The following FSHR variants were observed in gnomAD, a reference collection of about 807,000 sequenced individuals.
FSHR encodes the protein follicle-stimulating hormone receptor.
Under a neutral mutation model 52.1 loss-of-function variants are expected in FSHR, and 46 were observed. That is an observed-to-expected ratio of 0.88 (90% CI 0.70 to 1.13). The LOEUF is 1.13. FSHR is among the 50% of genes most tolerant of loss of function. The pLI, the probability that FSHR is intolerant of heterozygous loss-of-function variation, is 0.00. For synonymous variants in FSHR, 399 were observed against 309.6 expected (o/e 1.29, Z -3.03); for missense variants, 964 against 834.6 (o/e 1.16, Z -1.91).
chr2:49,028,289 C>T (rs1238286059), intron 2 of FSHR, among the ~76,000 whole-genome samples: 1 of 152,186 alleles, frequency 6.6e-6, no homozygotes, highest in Non-Finnish European at 1.5e-5. Context: ...GCTAAATGCT[C>T]TGCATGGGTA....
chr2:48,979,162 G>C (rs974113809), intron 8 of FSHR, among the ~76,000 whole-genome samples: 1 of 152,102 alleles, frequency 6.6e-6, no homozygotes, highest in African/African-American at 2.4e-5. Flanking sequence ...CTAAAGGTGG[G>C]AGCTGGGTGT....
intron 1 of FSHR, among the ~76,000 whole-genome samples, chr2:49,081,337 G>C (rs1670161504): frequency 6.6e-6 from 1 of 151,696 alleles, no homozygotes; most frequent in African/African-American, 2.4e-5. Flanking sequence ...TGTATCTAAA[G>C]TATCTTATAT....
chr2:49,068,332 A>G, intron 1 of FSHR, 42 bp from the exon 2 acceptor site: 2 of 1,512,228 alleles, frequency 1.3e-6, no homozygotes, highest in Non-Finnish European at 1.8e-6. Context: ...CCTATCCATT[A>G]ATAAGTAATT....
Position 48,963,009 on chromosome 2 carries a change from C to G in FSHR, c.1812G>C (p.Val604=). The G allele has an allele frequency of 6.2e-7, 1 of 1,614,060 alleles. No homozygotes were observed. The highest frequency in any genetic ancestry group is 8.5e-7 in the Non-Finnish European group (1 of 1,179,998). Residue 604 remains valine, a synonymous_variant, in exon 10 of 10, where the codon GTG becomes GTC. Coordinates refer to ENST00000406846, the MANE Select transcript of FSHR (RefSeq NM_000145.4). ...GAACCAGCAGAATCTTTGCTTTGGACACAGTGATGAGGGGCACCTTGAGGG... is the reference window on the plus strand; with the variant it reads ...GAACCAGCAGAATCTTTGCTTTGGAGACAGTGATGAGGGGCACCTTGAGGG... The part of the protein sequence containing the change: ...SASLKVPLIT[V]SKAKILLVLF...
intron 2 of FSHR, among the ~76,000 whole-genome samples, chr2:49,021,886 T>TATATATATATATAGAGAG (rs1273265515): frequency 6.4e-4 from 16 of 25,106 alleles, no homozygotes; most frequent in African/African-American, 1.0e-3. Context: ...TATATATATA[T>TATATATATATATAGAGAG]AGAGAGAGAG....
chr2:49,091,586 C>T (rs567752541), intron 1 of FSHR, among the ~76,000 whole-genome samples: 28 of 152,188 alleles, frequency 1.8e-4, no homozygotes, highest in Non-Finnish European at 2.2e-4. Context: ...CATGAGCCAT[C>T]ATGCCCAGCC....
At position 49,049,488 on chromosome 2, in the gene FSHR, G is replaced by T. The variant is rs1289485699; in HGVS notation, c.224+18731C>A. On this transcript the variant is annotated intron_variant, in intron 2 of 9. Transcript: ENST00000406846. ...AGCAGAAGTCATCAGGACCATGAAT[G>T]CTTGGAGTATCAAATGGCCAAGAGG... Among the ~76,000 whole-genome samples, 7 of 152,214 alleles carry T rather than the reference G, an allele frequency of 4.6e-5. 1 individual carries two copies. The East Asian group carries it at 9.7e-4, about 21-fold the overall frequency.
chr2:49,065,968 A>T (rs1572699399), intron 2 of FSHR, among the ~76,000 whole-genome samples: 1 of 152,116 alleles, frequency 6.6e-6, no homozygotes, highest in African/African-American at 2.4e-5. Context: ...ATATAAGGTA[A>T]GTAGAAGAGG....
intron 1 of FSHR, among the ~76,000 whole-genome samples, chr2:49,089,433 C>G (rs985988866): frequency 2.0e-5 from 3 of 152,126 alleles, no homozygotes; most frequent in Non-Finnish European, 4.4e-5. Flanking sequence ...GAATAAATAG[C>G]ATACATGTTG....
intron 1 of FSHR, among the ~76,000 whole-genome samples, chr2:49,085,970 G>A (rs13024619): frequency 2.1e-4 from 31 of 150,304 alleles, no homozygotes; most frequent in African/African-American, 6.9e-4. Context: ...GTTGTGGGGG[G>A]GGGGAGTGGG....
intron 5 of FSHR, among the ~76,000 whole-genome samples, chr2:48,990,217 C>A (rs1388904342): frequency 2.6e-5 from 4 of 151,630 alleles, no homozygotes; most frequent in Admixed American, 2.6e-4. Flanking sequence ...CATAGCAATT[C>A]TAGAAAGAAG....
At chr2:49,040,356 C>G (rs2104280095) in intron 2 of FSHR, among the ~76,000 whole-genome samples, 1 of 152,274 alleles carries the variant, frequency 6.6e-6, no homozygotes, top group East Asian at 1.9e-4. Flanking sequence ...CCTTCTAACC[C>G]TGCTCTAATT....
At chr2:49,030,045 C>T (rs1189408633) in intron 2 of FSHR, among the ~76,000 whole-genome samples, 1 of 152,154 alleles carries the variant, frequency 6.6e-6, no homozygotes, top group African/African-American at 2.4e-5. Flanking sequence ...CTGCGGCAGA[C>T]CTATCAGGGA....
At chr2:49,043,491 T>A (rs191659131) in intron 2 of FSHR, among the ~76,000 whole-genome samples, 264 of 152,338 alleles carry the variant, frequency 1.7e-3, no homozygotes, top group South Asian at 4.1e-3. Context: ...ACCTAAGTTA[T>A]GTCTATTCTT....
intron 2 of FSHR, among the ~76,000 whole-genome samples, chr2:49,059,849 C>A (rs11679050): frequency 0.078 from 11,911 of 151,804 alleles, 603 homozygotes; most frequent in Non-Finnish European, 0.12. Flanking sequence ...GAAACAAAAT[C>A]AAAAATAAAG....
At chr2:49,050,959 T>C (rs1504178) in intron 2 of FSHR, among the ~76,000 whole-genome samples, 42,606 of 152,056 alleles carry the variant, frequency 0.28, 6,856 homozygotes, top group Non-Finnish European at 0.36. Flanking sequence ...TTCTTCTTTT[T>C]TGAGGTTCAT....
intron 1 of FSHR, among the ~76,000 whole-genome samples, chr2:49,074,345 C>G (rs959715950): frequency 6.6e-6 from 1 of 152,006 alleles, no homozygotes; most frequent in Non-Finnish European, 1.5e-5. Context: ...TCACCACCAA[C>G]AAAAAAGTTG....
chr2:49,068,752 T>C (rs561361631), intron 1 of FSHR, among the ~76,000 whole-genome samples: 1 of 152,210 alleles, frequency 6.6e-6, no homozygotes, highest in South Asian at 2.1e-4. Flanking sequence ...GCTCACTGCC[T>C]GATCAACCTG....
chr2:49,037,720 G>A lies in FSHR; in HGVS notation c.225-17560C>T, dbSNP rs536457020. ...AATTAATGAATTGGAAAATGGATGA[G>A]GCAATCACTCATGATATTGCTCACA... is the stretch of plus-strand genomic sequence containing the variant. On this transcript the variant is annotated intron_variant, in intron 2 of 9. Coordinates refer to ENST00000406846, the MANE Select transcript of FSHR (RefSeq NM_000145.4). Among the ~76,000 whole-genome samples, 113 of 152,166 alleles carry A rather than the reference G, an allele frequency of 7.4e-4. 1 individual carries two copies. The highest frequency in any genetic ancestry group is 1.2e-3 in the Non-Finnish European group (81 of 68,002).
Sources: allele counts gnomAD v4.1 joint callset (sites outside exome capture counted in the v4.1 genomes callset), GRCh38; gene constraint gnomAD v4.1.1; transcripts MANE v1.5; gene names NCBI Gene and HGNC (gene_info 2026-07-23, HGNC 2026-07-21).